DIAPH2: variants seen among roughly 807,000 people sequenced by gnomAD.
DIAPH2 encodes the protein diaphanous related formin 2.
Under a neutral mutation model 92.7 loss-of-function variants are expected in DIAPH2, and 35 were observed. The ratio of observed to expected loss-of-function variants is 0.38; its 90% CI spans 0.29 to 0.50. DIAPH2 has a LOEUF of 0.50. Ranked by LOEUF, DIAPH2 falls within the 20% of genes least tolerant of loss-of-function variation. The pLI is 0.94. For missense variants in DIAPH2, 701 were observed against 819.5 expected (o/e 0.86, Z 1.77); for synonymous variants, 301 against 280.4 (o/e 1.07, Z -0.73).
At chrX:96,916,977 TTACTTTA>T (rs1438412037) in intron 8 of DIAPH2, among the ~76,000 whole-genome samples, 1 of 111,687 alleles carries the variant, frequency 9.0e-6, no homozygotes, top group Non-Finnish European at 1.9e-5. Flanking sequence ...TAATAGTATT[TTACTTTA>T]TATGCCATGG....
chrX:97,013,533 A>G (rs991953572), intron 17 of DIAPH2, among the ~76,000 whole-genome samples: 4 of 112,441 alleles, frequency 3.6e-5, no homozygotes, highest in Non-Finnish European at 5.6e-5. Context: ...CTCAGCTCTC[A>G]GCAACTTTGT....
Position 97,409,650 on chromosome X carries a change from A to G in DIAPH2, c.3146-20000A>G, listed in dbSNP as rs145132147. Among the ~76,000 whole-genome samples the G allele has an allele frequency of 1.5e-3, 164 of 111,793 alleles. 6 individuals carry two copies. The East Asian group carries it at 0.025, about 17-fold the overall frequency. On this transcript the variant is annotated intron_variant, in intron 25 of 26. Transcript: ENST00000324765. Reference sequence around the variant, plus strand: ...AGCCATGACAGACTGTACCTGGAAAATCGGGACACTCCCACCGAAATACTG... The same window carrying G: ...AGCCATGACAGACTGTACCTGGAAAGTCGGGACACTCCCACCGAAATACTG...
At chrX:97,462,601 TAGA>T (rs983492843) in intron 26 of DIAPH2, among the ~76,000 whole-genome samples, 5 of 111,867 alleles carry the variant, frequency 4.5e-5, no homozygotes, top group Non-Finnish European at 9.4e-5. Flanking sequence ...TTTGTAAGAG[TAGA>T]AGACCTTTGT....
chrX:97,443,721 C>A (rs957397464), intron 26 of DIAPH2, among the ~76,000 whole-genome samples: 6 of 111,738 alleles, frequency 5.4e-5, no homozygotes, highest in Non-Finnish European at 1.1e-4. Context: ...AAAATGCCGA[C>A]TTTATATAAA....
chrX:97,478,952 G>GT (rs2070630608), intron 26 of DIAPH2, among the ~76,000 whole-genome samples: 1 of 109,596 alleles, frequency 9.1e-6, no homozygotes, highest in African/African-American at 3.3e-5. Context: ...TGTTTTTTTT[G>GT]TTTGTTAATT....
intron 4 of DIAPH2, among the ~76,000 whole-genome samples, chrX:96,846,304 C>T (rs1408755534): frequency 1.8e-5 from 2 of 109,499 alleles, no homozygotes; most frequent in Admixed American, 9.8e-5. Context: ...TGTACCACCA[C>T]GCCCGGCTAA....
chrX:96,897,701 A>T (rs761648108), intron 5 of DIAPH2, among the ~76,000 whole-genome samples: 81 of 109,802 alleles, frequency 7.4e-4, no homozygotes, highest in African/African-American at 2.0e-3. Context: ...ATTAAAAAAA[A>T]TTTTTTTTCA....
At chrX:97,468,305 C>G (rs2070532076) in intron 26 of DIAPH2, among the ~76,000 whole-genome samples, 1 of 111,144 alleles carries the variant, frequency 9.0e-6, no homozygotes, top group South Asian at 3.8e-4. Flanking sequence ...GAATGGTTGT[C>G]CAAAGTACAT....
At chrX:96,886,952 C>T (rs1225869883) in intron 5 of DIAPH2, among the ~76,000 whole-genome samples, 1 of 109,463 alleles carries the variant, frequency 9.1e-6, no homozygotes, top group Non-Finnish European at 1.9e-5. Context: ...TTTGTCCCTG[C>T]AAACTGATAC....
At chrX:96,937,881 T>C (rs1469105369) in intron 11 of DIAPH2, among the ~76,000 whole-genome samples, 2 of 111,997 alleles carry the variant, frequency 1.8e-5, no homozygotes, top group African/African-American at 6.5e-5. Context: ...ACAGCTAGCA[T>C]ATAACCTTCC....
chrX:96,966,571 C>G (rs2147826656), intron 17 of DIAPH2, among the ~76,000 whole-genome samples: 1 of 111,971 alleles, frequency 8.9e-6, no homozygotes, highest in Admixed American at 9.5e-5. Flanking sequence ...GCTGTTTTCA[C>G]CAACTGTGCC....
At chrX:97,089,086 T>C (rs1028740434) in intron 19 of DIAPH2, among the ~76,000 whole-genome samples, 1 of 112,032 alleles carries the variant, frequency 8.9e-6, no homozygotes, top group African/African-American at 3.2e-5. Flanking sequence ...ATGAAGAGAT[T>C]TTCCGTCAGT....
chrX:97,350,388 A>C (rs947960186), intron 24 of DIAPH2, among the ~76,000 whole-genome samples: 7 of 111,247 alleles, frequency 6.3e-5, no homozygotes, highest in Admixed American at 9.6e-5. Flanking sequence ...TGTCTGTCTT[A>C]TTATATGTTC....
intron 4 of DIAPH2, among the ~76,000 whole-genome samples, chrX:96,768,852 T>C (rs1038519475): frequency 4.5e-5 from 5 of 111,338 alleles, no homozygotes; most frequent in African/African-American, 1.6e-4. Context: ...GTTAGTGGGT[T>C]GTTAATTTGG....
chrX:96,999,946 C>T (rs930286861), intron 17 of DIAPH2, among the ~76,000 whole-genome samples: 1 of 111,799 alleles, frequency 8.9e-6, no homozygotes, highest in Non-Finnish European at 1.9e-5. Flanking sequence ...CCGTGTAAGA[C>T]ATGCCTTTGC....
chrX:97,323,903 CAAAAAAAAAAAA>C (rs1052365967), intron 23 of DIAPH2, among the ~76,000 whole-genome samples: 2 of 39,190 alleles, frequency 5.1e-5, no homozygotes, highest in African/African-American at 1.7e-4. Context: ...AACTCTGTCT[CAAAAAAAAAAAA>C]AAAAAAAAAA....
intron 19 of DIAPH2, among the ~76,000 whole-genome samples, chrX:97,083,585 A>G (rs1363172509): frequency 3.6e-5 from 4 of 111,258 alleles, no homozygotes; most frequent in Non-Finnish European, 7.5e-5. Context: ...CCCACTGGAT[A>G]CCAGTAGCAG....
At chrX:97,481,898 A>G (rs1235984541) in intron 26 of DIAPH2, among the ~76,000 whole-genome samples, 1 of 112,105 alleles carries the variant, frequency 8.9e-6, no homozygotes, top group Admixed American at 9.5e-5. Context: ...TGAAGACAAT[A>G]TATTCTAAGA....
At chrX:96,847,583 A>G (rs1163942598) in intron 4 of DIAPH2, among the ~76,000 whole-genome samples, 1 of 108,575 alleles carries the variant, frequency 9.2e-6, no homozygotes, top group African/African-American at 3.3e-5. Flanking sequence ...AGGTCTGTCT[A>G]TTATTGTTGT....
Sources: gnomAD v4.1 joint callset for allele counts (sites outside exome capture counted in the v4.1 genomes callset) on GRCh38, gnomAD v4.1.1 for gene constraint, MANE v1.5 for transcripts, NCBI Gene and HGNC (gene_info 2026-07-23, HGNC 2026-07-21) for gene names.